CAMK4: variants seen among roughly 807,000 people sequenced by gnomAD.
CAMK4 encodes calcium/calmodulin-dependent protein kinase type IV.
CAMK4 carries 22 observed loss-of-function variants against 44.9 expected under a neutral mutation model. The observed-to-expected ratio is 0.49, with a 90% CI of 0.35 to 0.70. The LOEUF (loss-of-function observed/expected upper bound fraction) is 0.70. Among genes scored for constraint, CAMK4 ranks in the 30% least tolerant of loss-of-function variants. The pLI is 0.01. For synonymous variants in CAMK4, 218 were observed against 215.4 expected (o/e 1.01, Z -0.11); for missense variants, 498 against 586.8 (o/e 0.85, Z 1.56).
intron 5 of CAMK4, among the ~76,000 whole-genome samples, chr5:111,427,658 A>T (rs561083821): frequency 6.6e-6 from 1 of 152,356 alleles, no homozygotes; most frequent in East Asian, 1.9e-4. Flanking sequence ...CTGCTTTTCA[A>T]AAGGGATGGA....
intron 5 of CAMK4, among the ~76,000 whole-genome samples, chr5:111,405,706 C>T (rs1752400174): frequency 1.3e-5 from 2 of 152,082 alleles, no homozygotes; most frequent in Admixed American, 1.3e-4. Context: ...TAAAATGGTT[C>T]ACATGATTCT....
At chr5:111,336,965 A>G (rs1580612911) in intron 1 of CAMK4, among the ~76,000 whole-genome samples, 1 of 151,096 alleles carries the variant, frequency 6.6e-6, no homozygotes, top group East Asian at 2.0e-4. Flanking sequence ...CTGTATTTTC[A>G]TTGAACTATA....
At chr5:111,403,744 G>A (rs1752315390) in intron 5 of CAMK4, among the ~76,000 whole-genome samples, 1 of 152,044 alleles carries the variant, frequency 6.6e-6, no homozygotes, top group African/African-American at 2.4e-5. Context: ...GGACACAGAG[G>A]ATCTAAAAAC....
chr5:111,391,382 G>T (rs1046729744), intron 4 of CAMK4, among the ~76,000 whole-genome samples: 4 of 152,060 alleles, frequency 2.6e-5, no homozygotes, highest in Non-Finnish European at 4.4e-5. Flanking sequence ...AAAAATGGAC[G>T]GCAACAGAAA....
intron 1 of CAMK4, among the ~76,000 whole-genome samples, chr5:111,320,045 C>T (rs542576058): frequency 8.5e-5 from 13 of 152,188 alleles, no homozygotes; most frequent in South Asian, 2.1e-4. Context: ...ATGTGCCATA[C>T]GAGACGGTGG....
chr5:111,284,269 A>G (rs1056003427), intron 1 of CAMK4, among the ~76,000 whole-genome samples: 4 of 152,210 alleles, frequency 2.6e-5, no homozygotes, highest in Non-Finnish European at 2.9e-5. Context: ...TTATGTATCC[A>G]TGTGGATTTG....
chr5:111,326,026 C>T (rs1300345411), intron 1 of CAMK4, among the ~76,000 whole-genome samples: 1 of 151,944 alleles, frequency 6.6e-6, no homozygotes, highest in East Asian at 1.9e-4. Flanking sequence ...TAATGACCTA[C>T]ATTTCTACAT....
At chr5:111,271,081 A>T (rs1402642167) in intron 1 of CAMK4, among the ~76,000 whole-genome samples, 1 of 152,064 alleles carries the variant, frequency 6.6e-6, no homozygotes, top group Non-Finnish European at 1.5e-5. Context: ...CATGGGGGAA[A>T]CCACCTCCAT....
At chr5:111,253,256 A>G (rs936993971) in intron 1 of CAMK4, among the ~76,000 whole-genome samples, 2 of 152,156 alleles carry the variant, frequency 1.3e-5, no homozygotes, top group Non-Finnish European at 2.9e-5. Flanking sequence ...ATCTTCCTCT[A>G]AAAGGACCTT....
intron 9 of CAMK4, chr5:111,481,847 T>C (rs1282817930): frequency 6.6e-6 from 1 of 152,146 alleles, no homozygotes; most frequent in Non-Finnish European, 1.5e-5. Flanking sequence ...TGCTAAAAGA[T>C]TACATGAGTT....
chr5:111,349,418 G>A (rs138360590), intron 2 of CAMK4, among the ~76,000 whole-genome samples: 323 of 151,908 alleles, frequency 2.1e-3, no homozygotes, highest in Admixed American at 4.0e-3. Flanking sequence ...AGTTACTTTG[G>A]GTCTTTAAGG....
chr5:111,361,642 A>G (rs1241778976), intron 2 of CAMK4, among the ~76,000 whole-genome samples: 2 of 152,050 alleles, frequency 1.3e-5, no homozygotes, highest in East Asian at 1.9e-4. Context: ...GTCAACTTAG[A>G]TGTGACCCTG....
rs115508384 is a variant in CAMK4 at position 111,378,444 on chromosome 5, T to A, written c.386+1502T>A. Among the ~76,000 whole-genome samples, 1,071 of 152,274 alleles carry A rather than the reference T, an allele frequency of 7.0e-3. 18 individuals carry two copies. The highest frequency in any genetic ancestry group is 0.024 in the African/African-American group (1,007 of 41,564). On this transcript the variant is annotated intron_variant, in intron 4 of 10. Coordinates refer to ENST00000282356, the MANE Select transcript of CAMK4 (RefSeq NM_001744.6). ...GAGCTTTCAAAAGTATTCATATTGTTTTTCAAAGGTTCTGTCTCTTTTTAA... is the reference window on the plus strand; with the variant it reads ...GAGCTTTCAAAAGTATTCATATTGTATTTCAAAGGTTCTGTCTCTTTTTAA...
chr5:111,435,998 T>C (rs1455414040), intron 5 of CAMK4, among the ~76,000 whole-genome samples: 1 of 152,226 alleles, frequency 6.6e-6, no homozygotes, highest in African/African-American at 2.4e-5. Flanking sequence ...TTTTATCCTG[T>C]CAGCATGAAA....
intron 2 of CAMK4, among the ~76,000 whole-genome samples, chr5:111,357,299 A>G (rs925477559): frequency 6.6e-6 from 1 of 152,034 alleles, no homozygotes; most frequent in Non-Finnish European, 1.5e-5. Context: ...GCACTAGGAA[A>G]GTTGAGAGAA....
rs139480573 is a variant in CAMK4 at position 111,457,834 on chromosome 5, A to G, written c.625+8631A>G. The stretch of plus-strand genomic sequence containing the variant: ...AATAAGAGTCTTAAATTATACTGCA[A>G]TCCAATCAAGTAAAGGACGATCTCA... On this transcript the variant is annotated intron_variant, in intron 7 of 10. Transcript: ENST00000282356. 3.4e-3 allele frequency among the ~76,000 whole-genome samples: 523 copies of G among 152,352 alleles called. 4 individuals are homozygous for G. The highest frequency in any genetic ancestry group is 0.011 in the African/African-American group (468 of 41,580).
At chr5:111,370,911 C>T (rs537905809) in intron 2 of CAMK4, among the ~76,000 whole-genome samples, 1 of 52,546 alleles carries the variant, frequency 1.9e-5, no homozygotes, top group East Asian at 7.7e-4. Flanking sequence ...GAGACTCCAT[C>T]TCAAAAAACA....
intron 5 of CAMK4, among the ~76,000 whole-genome samples, chr5:111,443,843 G>A (rs370188590): frequency 1.8e-4 from 27 of 152,184 alleles, no homozygotes; most frequent in Admixed American, 2.6e-4. Flanking sequence ...AATATGTTCC[G>A]TTAGTCCCAA....
At chr5:111,398,742 C>CA in intron 5 of CAMK4, among the ~76,000 whole-genome samples, 1 of 152,228 alleles carries the variant, frequency 6.6e-6, no homozygotes, top group Middle Eastern at 3.4e-3. Context: ...CTGATACCAG[C>CA]AAAAAACTCT....
Sources: allele counts gnomAD v4.1 joint callset (sites outside exome capture counted in the v4.1 genomes callset), GRCh38; gene constraint gnomAD v4.1.1; transcripts MANE v1.5; gene names NCBI Gene and HGNC (gene_info 2026-07-23, HGNC 2026-07-21).